Variants in EYS observed in about 807,000 individuals in gnomAD.
EYS encodes EGF-like photoreceptor maintenance factor.
EYS carries 250 observed loss-of-function variants against 282.1 expected under a neutral mutation model. That is an observed-to-expected ratio of 0.89 (90% CI 0.80 to 0.98). The LOEUF is 0.98. Ranked by LOEUF, EYS falls within the 50% of genes least tolerant of loss-of-function variation. EYS has a pLI of 0.00. For missense variants in EYS, 4,016 were observed against 3,709.0 expected (o/e 1.08, Z -2.15); for synonymous variants, 1,355 against 1,282.9 (o/e 1.06, Z -1.20).
At chr6:65,072,282 G>C (rs1172773741) in intron 12 of EYS, among the ~76,000 whole-genome samples, 1 of 151,706 alleles carries the variant, frequency 6.6e-6, no homozygotes, top group Non-Finnish European at 1.5e-5. Context: ...AGACAGAGAA[G>C]ACTAGACAAT....
chr6:65,413,314 G>A (rs922033538), intron 5 of EYS, among the ~76,000 whole-genome samples: 4 of 152,046 alleles, frequency 2.6e-5, no homozygotes, highest in African/African-American at 9.7e-5. Context: ...TTGGATTATA[G>A]CAATGTACAA....
intron 9 of EYS, among the ~76,000 whole-genome samples, chr6:65,344,516 A>ACTGCTT (rs1404845001): frequency 5.3e-5 from 8 of 151,628 alleles, no homozygotes; most frequent in African/African-American, 1.9e-4. Flanking sequence ...CTATAACAAA[A>ACTGCTT]ATAAAAGCAG....
At chr6:64,059,258 G>T (rs2149849864) in intron 33 of EYS, among the ~76,000 whole-genome samples, 1 of 152,070 alleles carries the variant, frequency 6.6e-6, no homozygotes, top group South Asian at 2.1e-4. Context: ...AGAACTTGAG[G>T]GTCAACCAGT....
chr6:64,124,189 T>C (rs1178929041), intron 31 of EYS, among the ~76,000 whole-genome samples: 1 of 152,208 alleles, frequency 6.6e-6, no homozygotes, highest in Non-Finnish European at 1.5e-5. Context: ...AAAGATTCAC[T>C]TTGTTTTGGC....
chr6:65,600,761 C>T (rs1765589138), intron 2 of EYS, among the ~76,000 whole-genome samples: 1 of 151,432 alleles, frequency 6.6e-6, no homozygotes, highest in Admixed American at 6.6e-5. Context: ...AAATTTGTTT[C>T]TAAAATATGA....
At chr6:65,313,763 C>T (rs1769224935) in intron 11 of EYS, among the ~76,000 whole-genome samples, 1 of 152,174 alleles carries the variant, frequency 6.6e-6, no homozygotes, top group Non-Finnish European at 1.5e-5. Context: ...TAACTAGTCT[C>T]CCTGCTTCTG....
chr6:65,460,556 G>GA (rs1281553017), intron 5 of EYS, among the ~76,000 whole-genome samples: 14 of 151,872 alleles, frequency 9.2e-5, no homozygotes, highest in Admixed American at 7.9e-4. Context: ...GTTAATAATG[G>GA]AAAAAATGAG....
intron 1 of EYS, among the ~76,000 whole-genome samples, chr6:65,675,763 T>C (rs1233542103): frequency 6.6e-6 from 1 of 151,872 alleles, no homozygotes; most frequent in Non-Finnish European, 1.5e-5. Flanking sequence ...AACTGATACA[T>C]AGAATCAGTC....
chr6:64,345,118 T>C (rs964388673), intron 29 of EYS, among the ~76,000 whole-genome samples: 13 of 152,082 alleles, frequency 8.5e-5, no homozygotes, highest in African/African-American at 2.4e-4. Context: ...AAAATGGCCA[T>C]ACTGCCCAAA....
chr6:65,117,281 A>G (rs1229342956), intron 12 of EYS, among the ~76,000 whole-genome samples: 2 of 152,176 alleles, frequency 1.3e-5, no homozygotes, highest in African/African-American at 4.8e-5. Flanking sequence ...CATGATCCCA[A>G]ATTAGACAAA....
At chr6:64,152,107 G>A (rs963767767) in intron 31 of EYS, among the ~76,000 whole-genome samples, 2 of 151,760 alleles carry the variant, frequency 1.3e-5, no homozygotes, top group Non-Finnish European at 2.9e-5. Context: ...TTTTTATCTT[G>A]TTTACTCGAA....
chr6:64,473,720 C>G (rs1297163274), intron 26 of EYS, among the ~76,000 whole-genome samples: 1 of 152,104 alleles, frequency 6.6e-6, no homozygotes, highest in African/African-American at 2.4e-5. Flanking sequence ...ATTGGCACAA[C>G]TAGAAGCAAG....
chr6:63,784,140 G>A (rs1770306725), intron 39 of EYS, among the ~76,000 whole-genome samples: 1 of 152,112 alleles, frequency 6.6e-6, no homozygotes, highest in Admixed American at 6.5e-5. Flanking sequence ...TGCTCTCCTT[G>A]TTCTTAGGGT....
At chr6:63,944,493 C>CA (rs1465567054) in intron 35 of EYS, among the ~76,000 whole-genome samples, 4 of 152,152 alleles carry the variant, frequency 2.6e-5, no homozygotes, top group Admixed American at 6.6e-5. Flanking sequence ...TCATGTACAA[C>CA]ATGATGTTTC....
chr6:63,969,780 T>C (rs1272949331), intron 35 of EYS, among the ~76,000 whole-genome samples: 5 of 152,348 alleles, frequency 3.3e-5, no homozygotes, highest in African/African-American at 1.2e-4. Flanking sequence ...CAGTTCAAGA[T>C]GACAATGAGG....
chr6:64,993,863 A>G (rs1042204351), intron 14 of EYS, among the ~76,000 whole-genome samples: 2 of 151,216 alleles, frequency 1.3e-5, no homozygotes, highest in African/African-American at 4.9e-5. Context: ...TTTGGGGGAA[A>G]AGTTAAACCT....
At chr6:64,393,452 C>G (rs1274939047) in intron 28 of EYS, among the ~76,000 whole-genome samples, 1 of 152,170 alleles carries the variant, frequency 6.6e-6, no homozygotes, top group African/African-American at 2.4e-5. Flanking sequence ...TGGGCTTGAT[C>G]CCTGGGATGC....
intron 1 of EYS, among the ~76,000 whole-genome samples, chr6:65,653,362 AAG>A (rs2149820572): frequency 6.6e-6 from 1 of 152,038 alleles, no homozygotes; most frequent in East Asian, 1.9e-4. Flanking sequence ...ACTTGATAAA[AAG>A]AGTGAATCTA....
chr6:65,580,924 A>C (rs992978994), intron 2 of EYS, among the ~76,000 whole-genome samples: 15 of 152,096 alleles, frequency 9.9e-5, no homozygotes, highest in African/African-American at 2.7e-4. Context: ...CAGTATTTCA[A>C]ATTGTAAGCA....
Sources: allele counts gnomAD v4.1 joint callset (sites outside exome capture counted in the v4.1 genomes callset), GRCh38; gene constraint gnomAD v4.1.1; transcripts MANE v1.5; gene names NCBI Gene and HGNC (gene_info 2026-07-23, HGNC 2026-07-21).